PRKG1: variants seen among roughly 807,000 people sequenced by gnomAD.
The protein encoded by PRKG1 is protein kinase cGMP-dependent 1.
In PRKG1, 35 loss-of-function variants were observed where a neutral mutation model predicts 88.1. The observed-to-expected ratio is 0.40, with a 90% CI of 0.30 to 0.53. The LOEUF is 0.53. Ranked by LOEUF, PRKG1 falls within the 20% of genes least tolerant of loss-of-function variation. The probability of loss-of-function intolerance (pLI) is 0.59; values close to 1 mark genes in which losing one functional copy is unlikely to be tolerated. For synonymous variants in PRKG1, 303 were observed against 292.5 expected, an observed-to-expected ratio of 1.04 and a Z score of -0.37; for missense variants, 540 against 839.8, an observed-to-expected ratio of 0.64 and a Z score of 4.41.
chr10:51,400,757 T>G (rs1470959074), intron 2 of PRKG1, among the ~76,000 whole-genome samples: 1 of 152,236 alleles, frequency 6.6e-6, no homozygotes, highest in Non-Finnish European at 1.5e-5. Context: ...CTAGCCCAGT[T>G]TTATCTTTCC....
chr10:51,668,545 C>T (rs1840478628), intron 3 of PRKG1, among the ~76,000 whole-genome samples: 2 of 151,940 alleles, frequency 1.3e-5, no homozygotes, highest in Admixed American at 1.3e-4. Context: ...CCTTTTTTTC[C>T]AACTGCAGAA....
chr10:51,797,876 C>A (rs1839058913), intron 3 of PRKG1, among the ~76,000 whole-genome samples: 1 of 151,902 alleles, frequency 6.6e-6, no homozygotes, highest in Admixed American at 6.6e-5. Flanking sequence ...TCTAGGACCT[C>A]ATATCAGTGG....
chr10:51,075,270 C>G (rs74512840), intron 1 of PRKG1, among the ~76,000 whole-genome samples: 14 of 152,234 alleles, frequency 9.2e-5, no homozygotes, highest in Non-Finnish European at 1.9e-4. Flanking sequence ...GCAAACCAGC[C>G]CAGCTGGAAA....
Position 51,981,807 on chromosome 10 carries a change from G to A in PRKG1, c.763-72677G>A, listed in dbSNP as rs182511086. Among the ~76,000 whole-genome samples, 27 of 151,934 alleles carry A rather than the reference G, an allele frequency of 1.8e-4. No individual in the cohort carries two copies. The South Asian group carries it at 2.5e-3, about 14-fold the overall frequency. ...TGTGTGTCTTGGGGATGATCTTCTC[G>A]TGAAGTATTTTAGTGAGGTTATCTG... On this transcript the variant is annotated intron_variant, in intron 5 of 17. Coordinates refer to ENST00000373980, the MANE Select transcript of PRKG1 (RefSeq NM_006258.4).
At chr10:52,237,008 T>C (rs1276325659) in intron 9 of PRKG1, among the ~76,000 whole-genome samples, 1 of 41,198 alleles carries the variant, frequency 2.4e-5, no homozygotes, top group African/African-American at 5.6e-5. Flanking sequence ...CAAGGCTGGT[T>C]CAATATACAC....
intron 2 of PRKG1, among the ~76,000 whole-genome samples, chr10:51,158,467 A>G (rs1176867509): frequency 2.0e-5 from 3 of 152,030 alleles, no homozygotes; most frequent in African/African-American, 7.2e-5. Flanking sequence ...GCTTTAAACC[A>G]TGAGATTAAA....
intron 1 of PRKG1, among the ~76,000 whole-genome samples, chr10:51,093,787 T>A (rs1218865735): frequency 1.7e-5 from 2 of 114,792 alleles, no homozygotes; most frequent in South Asian, 2.8e-4. Context: ...ATATATGTAT[T>A]TTATATATAT....
intron 3 of PRKG1, among the ~76,000 whole-genome samples, chr10:51,642,569 T>C (rs1200418286): frequency 1.3e-5 from 2 of 152,192 alleles, no homozygotes; most frequent in African/African-American, 4.8e-5. Flanking sequence ...GACTGACTGG[T>C]AGAACACAGA....
At chr10:51,115,824 A>T (rs1444260948) in intron 1 of PRKG1, among the ~76,000 whole-genome samples, 1 of 136,270 alleles carries the variant, frequency 7.3e-6, no homozygotes, top group African/African-American at 2.7e-5. Flanking sequence ...TGACAGAGTG[A>T]GACTCCATCT....
At chr10:51,789,639 C>A (rs1406400227) in intron 3 of PRKG1, among the ~76,000 whole-genome samples, 1 of 152,072 alleles carries the variant, frequency 6.6e-6, no homozygotes, top group Non-Finnish European at 1.5e-5. Context: ...ACATTTATGC[C>A]TAAGAGCACC....
chr10:51,472,722 A>G (rs980244574), intron 3 of PRKG1, among the ~76,000 whole-genome samples: 6 of 151,964 alleles, frequency 3.9e-5, no homozygotes, highest in African/African-American at 1.4e-4. Flanking sequence ...CCATCAGCAC[A>G]AACAATTGCT....
intron 2 of PRKG1, among the ~76,000 whole-genome samples, chr10:51,239,241 T>C (rs1839086307): frequency 6.6e-6 from 1 of 152,074 alleles, no homozygotes; most frequent in Non-Finnish European, 1.5e-5. Context: ...AAACCAGAAG[T>C]AAATAATAGA....
At chr10:51,433,653 C>T (rs1838838166) in intron 2 of PRKG1, among the ~76,000 whole-genome samples, 1 of 152,096 alleles carries the variant, frequency 6.6e-6, no homozygotes. Flanking sequence ...TCTACACGTC[C>T]CACCGTGTGG....
At chr10:52,170,106 G>T (rs56050894) in intron 9 of PRKG1, among the ~76,000 whole-genome samples, 6,667 of 152,200 alleles carry the variant, frequency 0.044, 510 homozygotes, top group African/African-American at 0.15. Flanking sequence ...ATCCTAAGAG[G>T]AATAAAAAGG....
At chr10:52,207,833 C>T (rs1839861071) in intron 9 of PRKG1, among the ~76,000 whole-genome samples, 1 of 152,096 alleles carries the variant, frequency 6.6e-6, no homozygotes, top group Non-Finnish European at 1.5e-5. Flanking sequence ...CCCCTTCAGC[C>T]CAGTGTCTGC....
chr10:51,750,631 T>G (rs1837699718), intron 3 of PRKG1, among the ~76,000 whole-genome samples: 1 of 152,118 alleles, frequency 6.6e-6, no homozygotes, highest in Non-Finnish European at 1.5e-5. Context: ...GTGAGAAGAA[T>G]CTCCATAGCT....
chr10:51,726,474 A>T (rs1842134539), intron 3 of PRKG1, among the ~76,000 whole-genome samples: 1 of 152,190 alleles, frequency 6.6e-6, no homozygotes, highest in African/African-American at 2.4e-5. Context: ...TTAAACTCTC[A>T]GCTATTTGGG....
chr10:51,099,623 A>AT lies in PRKG1; in HGVS notation c.311+24730dup, dbSNP rs560412617. Among the ~76,000 whole-genome samples the AT allele has an allele frequency of 3.2e-3, 491 of 151,988 alleles. 1 individual carries two copies. The highest frequency in any genetic ancestry group is 0.011 in the African/African-American group (466 of 41,478). ...AGAGATAGATGACCTATATTGAGGT[A>AT]TTTTTTTTAACCCAGGACTCTGTGG... On this transcript the variant is annotated intron_variant, in intron 1 of 17. Transcript: ENST00000373980.
At chr10:51,231,848 T>G (rs1838854496) in intron 2 of PRKG1, among the ~76,000 whole-genome samples, 3 of 152,202 alleles carry the variant, frequency 2.0e-5, no homozygotes, top group Non-Finnish European at 1.5e-5. Context: ...TGTCATGTAA[T>G]GACATTTATT....
Sources: gnomAD v4.1 joint callset for allele counts (sites outside exome capture counted in the v4.1 genomes callset) on GRCh38, gnomAD v4.1.1 for gene constraint, MANE v1.5 for transcripts, NCBI Gene and HGNC (gene_info 2026-07-23, HGNC 2026-07-21) for gene names.